The following ROBO2 variants were observed in gnomAD, a reference collection of about 807,000 sequenced individuals.
The protein encoded by ROBO2 is roundabout guidance receptor 2.
A neutral mutation model predicts 160.8 loss-of-function variants in ROBO2; 53 were observed. The ratio of observed to expected loss-of-function variants is 0.33; its 90% confidence interval spans 0.26 to 0.41. The LOEUF is 0.41. ROBO2 is among the 10% of genes least tolerant of loss of function. The pLI, the probability that ROBO2 is intolerant of heterozygous loss-of-function variation, is 1.00. For synonymous variants in ROBO2, 664 were observed against 611.7 expected (o/e 1.09, Z -1.26); for missense variants, 1,577 against 1,722.4 (o/e 0.92, Z 1.49).
chr3:76,206,959 G>A (rs1702846081), intron 2 of ROBO2, among the ~76,000 whole-genome samples: 1 of 152,066 alleles, frequency 6.6e-6, no homozygotes, highest in Admixed American at 6.6e-5. Context: ...AAAAGATTAT[G>A]CATTTTTTTC....
intron 2 of ROBO2, among the ~76,000 whole-genome samples, chr3:76,130,751 A>G (rs1406362952): frequency 2.0e-5 from 3 of 152,166 alleles, no homozygotes; most frequent in African/African-American, 4.8e-5. Flanking sequence ...ATAACAATTC[A>G]TGTTCTAAAA....
intron 2 of ROBO2, among the ~76,000 whole-genome samples, chr3:76,568,330 CT>C (rs1158219259): frequency 2.0e-5 from 3 of 152,046 alleles, no homozygotes; most frequent in African/African-American, 7.2e-5. Context: ...CGGAGTCTCG[CT>C]CTGTCACCCA....
upstream of ROBO2, among the ~76,000 whole-genome samples, chr3:77,037,225 A>T (rs1414915091): frequency 1.3e-5 from 2 of 152,200 alleles, no homozygotes; most frequent in African/African-American, 4.8e-5. Flanking sequence ...GTCACATTTC[A>T]TATCAAATGA....
intron 2 of ROBO2, among the ~76,000 whole-genome samples, chr3:75,973,733 T>C (rs1347299781): frequency 6.6e-6 from 1 of 151,554 alleles, no homozygotes; most frequent in Non-Finnish European, 1.5e-5. Flanking sequence ...CAGCAGGCCA[T>C]GGAAATGAAA....
chr3:76,734,751 A>C (rs1256435271), intron 2 of ROBO2, among the ~76,000 whole-genome samples: 4 of 152,212 alleles, frequency 2.6e-5, no homozygotes, highest in Non-Finnish European at 5.9e-5. Flanking sequence ...GCAGTTTTAA[A>C]AAGACACTGT....
chr3:77,267,100 A>G (rs1261225601), intron 2 of ROBO2, among the ~76,000 whole-genome samples: 10 of 152,194 alleles, frequency 6.6e-5, no homozygotes, highest in Non-Finnish European at 1.3e-4. Context: ...TATTCAAGAC[A>G]TTGAAACATA....
intron 2 of ROBO2, among the ~76,000 whole-genome samples, chr3:77,389,502 A>G (rs2074488019): frequency 6.6e-6 from 1 of 152,160 alleles, no homozygotes; most frequent in Non-Finnish European, 1.5e-5. Context: ...ATACTTTGGT[A>G]TTTAACCAGG....
At chr3:75,952,051 A>G (rs960851618) in intron 2 of ROBO2, among the ~76,000 whole-genome samples, 1 of 152,052 alleles carries the variant, frequency 6.6e-6, no homozygotes, top group Non-Finnish European at 1.5e-5. Context: ...AGCAAATCCA[A>G]CAAAGACTGG....
chr3:76,688,345 G>T (rs1167740625), intron 2 of ROBO2, among the ~76,000 whole-genome samples: 2 of 152,006 alleles, frequency 1.3e-5, no homozygotes, highest in Non-Finnish European at 2.9e-5. Flanking sequence ...TAAGATAGGG[G>T]TTTGATAAGT....
At chr3:76,456,492 G>T (rs2077761935) in intron 2 of ROBO2, among the ~76,000 whole-genome samples, 1 of 152,104 alleles carries the variant, frequency 6.6e-6, no homozygotes, top group South Asian at 2.1e-4. Context: ...GTACCAGCAG[G>T]TACTTTACGT....
At chr3:76,593,683 T>A (rs1025659483) in intron 2 of ROBO2, among the ~76,000 whole-genome samples, 2 of 152,006 alleles carry the variant, frequency 1.3e-5, no homozygotes, top group Admixed American at 6.6e-5. Context: ...TCAGAAACAC[T>A]AGTAAAAATG....
chr3:76,454,746 C>A (rs2077664294), intron 2 of ROBO2, among the ~76,000 whole-genome samples: 2 of 152,116 alleles, frequency 1.3e-5, no homozygotes, highest in South Asian at 4.2e-4. Flanking sequence ...TTGAAAAAGC[C>A]TTTTATCACT....
intron 2 of ROBO2, among the ~76,000 whole-genome samples, chr3:76,358,716 C>A (rs1288685170): frequency 2.0e-5 from 3 of 151,896 alleles, no homozygotes; most frequent in Non-Finnish European, 4.4e-5. Flanking sequence ...TAGGTTCAGA[C>A]AATAGGCATT....
chr3:77,260,289 T>A (rs115772200), intron 2 of ROBO2, among the ~76,000 whole-genome samples: 4 of 152,164 alleles, frequency 2.6e-5, no homozygotes. Flanking sequence ...AAATAGAAGA[T>A]ATACATTATT....
At chr3:76,974,373 A>C (rs1275411688) in intron 2 of ROBO2, among the ~76,000 whole-genome samples, 1 of 152,132 alleles carries the variant, frequency 6.6e-6, no homozygotes, top group Non-Finnish European at 1.5e-5. Context: ...TGTTTAGTGA[A>C]TAGCTGGCCA....
rs914569867 is a variant in ROBO2, at chr3:77,588,948, C to T, written c.2683+15C>T. The T allele has an allele frequency of 6.2e-7, 1 of 1,612,098 alleles. No homozygotes were observed. The highest frequency in any genetic ancestry group is 8.5e-7 in the Non-Finnish European group (1 of 1,178,626). ...TAATTATGCTGGTAAGTGACTATTT[C>T]CAGCTAAGAAAATCTCTTGTCTGTA... On this transcript the variant is annotated intron_variant, in intron 17 of 25. Coordinates refer to ENST00000461745, the Ensembl canonical transcript of ROBO2.
At chr3:76,756,297 G>A (rs987571752) in intron 2 of ROBO2, among the ~76,000 whole-genome samples, 3 of 151,852 alleles carry the variant, frequency 2.0e-5, no homozygotes, top group Admixed American at 6.6e-5. Flanking sequence ...ATAAACCATT[G>A]TAGAATATTT....
chr3:76,805,033 G>A (rs1224617516), intron 2 of ROBO2, among the ~76,000 whole-genome samples: 2 of 152,038 alleles, frequency 1.3e-5, no homozygotes, highest in Admixed American at 6.6e-5. Context: ...AATATTGTGA[G>A]CATTTTGAGC....
At chr3:76,639,657 A>G (rs9879498) in intron 2 of ROBO2, among the ~76,000 whole-genome samples, 52,099 of 151,950 alleles carry the variant, frequency 0.34, 11,265 homozygotes, top group African/African-American at 0.62. Flanking sequence ...AAGAAGAATC[A>G]TGCAGAGGTT....
Sources: allele counts gnomAD v4.1 joint callset (sites outside exome capture counted in the v4.1 genomes callset), GRCh38; gene constraint gnomAD v4.1.1; transcripts MANE v1.5; gene names NCBI Gene and HGNC (gene_info 2026-07-23, HGNC 2026-07-21).